PVALB: variants seen among roughly 807,000 people sequenced by gnomAD.
The protein encoded by PVALB is parvalbumin, also known as parvalbumin alpha.
PVALB carries 11 observed loss-of-function variants against 10.9 expected under a neutral mutation model. The ratio of observed to expected loss-of-function variants is 1.01; its 90% CI spans 0.63 to 1.67. The LOEUF is 1.67. Ranked by LOEUF, PVALB falls within the 40% of genes most tolerant of loss-of-function variation. The pLI is 0.00. For synonymous variants in PVALB, 57 were observed against 50.7 expected, an observed-to-expected ratio of 1.12 and a Z score of -0.53; for missense variants, 131 against 136.2, an observed-to-expected ratio of 0.96 and a Z score of 0.19.
upstream of PVALB, chr22:36,817,290 G>C (rs1251301650): frequency 1.0e-5 from 3 of 286,376 alleles, no homozygotes; most frequent in Non-Finnish European, 1.9e-5. Context: ...GCCAGGGCAC[G>C]AGGGAAGGGG....
intron 3 of PVALB, among the ~76,000 whole-genome samples, chr22:36,806,558 G>C (rs1018114824): frequency 6.6e-6 from 1 of 152,116 alleles, no homozygotes; most frequent in Non-Finnish European, 1.5e-5. Flanking sequence ...CGTGATGACC[G>C]GGATGAAGGA....
At chr22:36,816,666 C>T (rs938076984) in intron 1 of PVALB, among the ~76,000 whole-genome samples, 2 of 152,218 alleles carry the variant, frequency 1.3e-5, no homozygotes, top group African/African-American at 2.4e-5. Flanking sequence ...CCCTTGGTCC[C>T]GGACCCTGAG....
At chr22:36,813,189 C>T (rs1939072359) in intron 3 of PVALB, among the ~76,000 whole-genome samples, 1 of 152,164 alleles carries the variant, frequency 6.6e-6, no homozygotes, top group African/African-American at 2.4e-5. Flanking sequence ...ATAGGAATTT[C>T]CATCCCTGGA....
chr22:36,802,361 G>C (rs1055940094), intron 3 of PVALB, among the ~76,000 whole-genome samples: 1 of 151,674 alleles, frequency 6.6e-6, no homozygotes, highest in African/African-American at 2.4e-5. Context: ...CCAGCACTTT[G>C]GGAGGCTGAG....
At chr22:36,817,462 C>G (rs2145956503), upstream of PVALB, 1 of 154,560 alleles carries the variant, frequency 6.5e-6, no homozygotes, top group South Asian at 2.1e-4. Context: ...CAGCCTGCAC[C>G]TCAGGACCTC....
chr22:36,803,541 T>G (rs934974088), intron 3 of PVALB, among the ~76,000 whole-genome samples: 2 of 148,862 alleles, frequency 1.3e-5, no homozygotes, highest in African/African-American at 5.0e-5. Context: ...GAGGGAGGGA[T>G]AGAGGGATGG....
In PVALB at chr22:36,805,886, G is replaced by A. The variant is rs114077218; in HGVS notation, c.305-4968C>T. Among the ~76,000 whole-genome samples the A allele has an allele frequency of 7.6e-3, 1,157 of 152,276 alleles. 14 individuals carry two copies. The highest frequency in any genetic ancestry group is 0.027 in the African/African-American group (1,117 of 41,542). The stretch of plus-strand genomic sequence containing the variant: ...AAGATATAAACAGAGGGCACGGAAA[G>A]CCTAAAGAGCAGCCAGCTGACCTGG... On this transcript the variant is annotated intron_variant, in intron 3 of 3. Transcript: ENST00000417718.
chr22:36,802,301 G>A (rs1938877662), intron 3 of PVALB, among the ~76,000 whole-genome samples: 1 of 152,150 alleles, frequency 6.6e-6, no homozygotes, highest in Admixed American at 6.5e-5. Flanking sequence ...ATGCTGTATT[G>A]TAGAAATAAC....
chr22:36,807,478 ATC>A (rs546886436), intron 3 of PVALB, among the ~76,000 whole-genome samples: 19 of 152,328 alleles, frequency 1.2e-4, no homozygotes, highest in Non-Finnish European at 2.2e-4. Flanking sequence ...TTCTCCTTCT[ATC>A]TCTCTCACTT....
At chr22:36,810,579 G>A (rs1939030911) in intron 3 of PVALB, among the ~76,000 whole-genome samples, 1 of 152,150 alleles carries the variant, frequency 6.6e-6, no homozygotes, top group Non-Finnish European at 1.5e-5. Flanking sequence ...CCATGCTGTT[G>A]GGTTTGAATC....
intron 2 of PVALB, among the ~76,000 whole-genome samples, chr22:36,814,061 T>C (rs1939091474): frequency 6.6e-6 from 1 of 152,138 alleles, no homozygotes; most frequent in African/African-American, 2.4e-5. Flanking sequence ...GTCTGGCGTA[T>C]GCTGGAAAGT....
At chr22:36,802,714 G>T (rs777899819) in intron 3 of PVALB, among the ~76,000 whole-genome samples, 9 of 151,316 alleles carry the variant, frequency 5.9e-5, no homozygotes, top group African/African-American at 2.2e-4. Flanking sequence ...TTAGGAAATA[G>T]ACATCATCCT....
At position 36,813,698 on chromosome 22, in the gene PVALB, C is replaced by T. The variant is rs747848678; in HGVS notation, c.252G>A (p.Lys84=). ...DARDLSAKET[K]MLMAAGDKDG... is the part of the protein sequence containing the mutation. ...CTTTGTCTCCAGCAGCCATCAGCAT[C>T]TTGGTTTCTTTAGCAGACAGGTCTC... The change falls in exon 3 of 4, where the codon AAG becomes AAA. Residue 84 remains lysine (K), a synonymous_variant. Coordinates refer to ENST00000417718, the MANE Select transcript of PVALB (RefSeq NM_001315532.2). 6 of 1,614,138 alleles carry T rather than the reference C, an allele frequency of 3.7e-6. No individual in the cohort carries two copies. The South Asian group carries it at 6.6e-5, about 18-fold the overall frequency.
intron 3 of PVALB, among the ~76,000 whole-genome samples, chr22:36,807,787 G>A (rs1352735384): frequency 1.3e-5 from 2 of 152,094 alleles, no homozygotes; most frequent in African/African-American, 4.8e-5. Flanking sequence ...ACAGCCCAAG[G>A]CCTTACGCTA....
intron 3 of PVALB, among the ~76,000 whole-genome samples, chr22:36,810,048 C>T (rs985534402): frequency 6.6e-6 from 1 of 152,044 alleles, no homozygotes; most frequent in African/African-American, 2.4e-5. Context: ...CCACGCCTGG[C>T]TAATTTTTGT....
rs1938855025 is a variant in PVALB, at chr22:36,801,002, G to A, written c.305-84C>T. ...CACACCTGACTGCGGGGCCCTGGGT[G>A]GTGCTCTCTCTGGGTTCTTGCTTCT... On this transcript the variant is annotated intron_variant, in intron 3 of 3. Transcript: ENST00000417718. The A allele has an allele frequency of 2.2e-6, 3 of 1,389,774 alleles. No homozygotes were observed. In the Admixed American group the frequency reaches 5.2e-5, roughly 24 times the overall value. The allele number at this position is 1,389,774 out of a possible 1,614,324, so 86.1% of individuals were successfully genotyped here. A position where few individuals can be genotyped will look rare whatever the true frequency, so the allele number is the denominator to read the frequency against.
chr22:36,802,891 A>T (rs1938891560), intron 3 of PVALB, among the ~76,000 whole-genome samples: 2 of 152,164 alleles, frequency 1.3e-5, no homozygotes, highest in African/African-American at 4.8e-5. Flanking sequence ...ATACCAAAAC[A>T]ACAAATACTC....
Position 36,815,776 on chromosome 22 carries a change from G to A in PVALB, c.62-541C>T, listed in dbSNP as rs150378238. ...GCAAACCCGGAAGTCCTGGCTCTGC[G>A]CAGAAATCCACTTCGGAGGCAGTGG... is the stretch of plus-strand genomic sequence containing the variant. On this transcript the variant is annotated intron_variant, in intron 1 of 3. Transcript: ENST00000417718. Among the ~76,000 whole-genome samples, 512 of 152,216 alleles carry A rather than the reference G, an allele frequency of 3.4e-3. 9 individuals carry two copies. Among genetic ancestry groups the A allele is most frequent in the Admixed American group, 0.027 (413 of 15,296 alleles).
At chr22:36,802,901 C>T (rs187400628) in intron 3 of PVALB, among the ~76,000 whole-genome samples, 2 of 152,238 alleles carry the variant, frequency 1.3e-5, no homozygotes, top group South Asian at 2.1e-4. Flanking sequence ...AACAAATACT[C>T]GTACAGAATC....
Sources: allele counts gnomAD v4.1 joint callset (sites outside exome capture counted in the v4.1 genomes callset), GRCh38; gene constraint gnomAD v4.1.1; transcripts MANE v1.5; gene names NCBI Gene and HGNC (gene_info 2026-07-23, HGNC 2026-07-21).